SKAP1: variants seen among roughly 807,000 people sequenced by gnomAD.
The protein encoded by SKAP1 is src kinase associated phosphoprotein 1, also known as src kinase-associated phosphoprotein 1.
A neutral mutation model predicts 58.5 loss-of-function variants in SKAP1; 44 were observed. The ratio of observed to expected loss-of-function variants is 0.75; its 90% CI spans 0.59 to 0.97. The LOEUF (loss-of-function observed/expected upper bound fraction) is 0.97, where lower values mean the gene tolerates loss of function less well. Ranked by LOEUF, SKAP1 falls within the 50% of genes least tolerant of loss-of-function variation. The pLI is 0.00. For synonymous variants in SKAP1, 127 were observed against 149.7 expected (o/e 0.85, Z 1.11); for missense variants, 390 against 435.2 (o/e 0.90, Z 0.92).
the SKAP1 span, among the ~76,000 whole-genome samples, chr17:48,443,782 G>A: frequency 0.31 from 47,472 of 151,786 alleles, 7,446 homozygotes; most frequent in East Asian, 0.36. Context: ...GGCCTGTTGG[G>A]TTTTTTAAAA....
rs535780020 is a variant in SKAP1, at chr17:48,246,693, C to T, written c.281-57193G>A. On this transcript the variant is annotated intron_variant, in intron 4 of 12. Coordinates refer to ENST00000336915, the MANE Select transcript of SKAP1 (RefSeq NM_003726.4). The stretch of plus-strand genomic sequence containing the variant: ...CCACATTTCAGGTCTCCTAACAGTG[C>T]AGAGATCTCTGAGAGTTAATCACCC... Among the ~76,000 whole-genome samples the T allele has an allele frequency of 2.7e-4, 41 of 152,246 alleles. No homozygotes were observed. The East Asian group carries it at 4.2e-3, about 16-fold the overall frequency.
At chr17:48,266,209 G>A (rs1383125802) in intron 4 of SKAP1, among the ~76,000 whole-genome samples, 5 of 152,008 alleles carry the variant, frequency 3.3e-5, no homozygotes, top group Admixed American at 6.5e-5. Flanking sequence ...AAAAATAATA[G>A]ATTTTATAAG....
At position 48,171,096 on chromosome 17, in the gene SKAP1, T is replaced by TTTG. The variant is rs543558261; in HGVS notation, c.827-438_827-437insCAA. Among the ~76,000 whole-genome samples the TTTG allele has an allele frequency of 4.2e-4, 56 of 133,080 alleles. 1 individual carries two copies. In the South Asian group the frequency reaches 7.5e-3, roughly 18 times the overall value. 87.3% of individuals were successfully genotyped at this position (133,080 alleles called of 152,430 possible). On this transcript the variant is annotated intron_variant, in intron 9 of 12. Transcript: ENST00000336915. ...TAAGGAAAGTTTAATTACTGTTGTTTTTTTTTTTTTTTTTTTTTTTTTAGG... is the reference window on the plus strand; with the variant it reads ...TAAGGAAAGTTTAATTACTGTTGTTTTTGTTTTTTTTTTTTTTTTTTTTTTAGG...
chr17:48,197,956 A>T (rs2064662846), intron 4 of SKAP1, among the ~76,000 whole-genome samples: 2 of 152,126 alleles, frequency 1.3e-5, no homozygotes, highest in African/African-American at 4.8e-5. Context: ...GTCAGGAAAA[A>T]GCCCTTCTAA....
chr17:48,177,455 C>A (rs2064306128), intron 9 of SKAP1, among the ~76,000 whole-genome samples: 4 of 152,126 alleles, frequency 2.6e-5, no homozygotes, highest in Admixed American at 2.6e-4. Flanking sequence ...GCAGGTAATA[C>A]AATCAGACAG....
chr17:48,256,314 G>T (rs2065423416), intron 4 of SKAP1, among the ~76,000 whole-genome samples: 1 of 152,016 alleles, frequency 6.6e-6, no homozygotes, highest in Non-Finnish European at 1.5e-5. Context: ...CATACAGACT[G>T]AATGATGAAA....
chr17:48,261,003 T>C (rs950677872), intron 4 of SKAP1, among the ~76,000 whole-genome samples: 1 of 152,208 alleles, frequency 6.6e-6, no homozygotes, highest in African/African-American at 2.4e-5. Context: ...GAATCCCTGA[T>C]GTGAATTTAA....
At chr17:48,436,324 G>A in the SKAP1 span, among the ~76,000 whole-genome samples, 13 of 152,148 alleles carry the variant, frequency 8.5e-5, no homozygotes, top group East Asian at 2.1e-3. Flanking sequence ...TGTCCACCTC[G>A]GCCTCCCAAA....
chr17:48,389,566 G>A (rs1299316033), intron 2 of SKAP1, among the ~76,000 whole-genome samples: 1 of 152,130 alleles, frequency 6.6e-6, no homozygotes, highest in Admixed American at 6.5e-5. Context: ...TAAATGCTTG[G>A]GGGCTAAATA....
chr17:48,194,294 C>T (rs1225997871), intron 4 of SKAP1, among the ~76,000 whole-genome samples: 1 of 152,112 alleles, frequency 6.6e-6, no homozygotes, highest in Non-Finnish European at 1.5e-5. Context: ...TTCCTTTAAA[C>T]CCTTGTATCC....
chr17:48,177,050 A>G (rs1280161078), intron 9 of SKAP1, among the ~76,000 whole-genome samples: 3 of 152,190 alleles, frequency 2.0e-5, no homozygotes, highest in Non-Finnish European at 2.9e-5. Flanking sequence ...TTGACTCTTG[A>G]TGGGTATGCA....
intron 3 of SKAP1, among the ~76,000 whole-genome samples, chr17:48,353,007 T>C (rs2066821726): frequency 6.6e-6 from 1 of 152,230 alleles, no homozygotes; most frequent in South Asian, 2.1e-4. Context: ...AGTAAATCTA[T>C]AAATTATGAT....
chr17:48,237,799 T>C (rs1053311448), intron 4 of SKAP1, among the ~76,000 whole-genome samples: 7 of 152,076 alleles, frequency 4.6e-5, no homozygotes, highest in African/African-American at 1.7e-4. Context: ...AGAGATAGAA[T>C]CTAGGACCAT....
At chr17:48,378,802 T>C (rs2067180824) in intron 2 of SKAP1, among the ~76,000 whole-genome samples, 1 of 152,146 alleles carries the variant, frequency 6.6e-6, no homozygotes, top group African/African-American at 2.4e-5. Flanking sequence ...GGCATAGAGC[T>C]TGTGCTCAAT....
At chr17:48,389,241 C>T (rs942176107) in intron 2 of SKAP1, among the ~76,000 whole-genome samples, 4 of 152,178 alleles carry the variant, frequency 2.6e-5, no homozygotes, top group Non-Finnish European at 4.4e-5. Context: ...TATTAATTGT[C>T]TGACTACAGT....
intron 4 of SKAP1, among the ~76,000 whole-genome samples, chr17:48,263,221 A>C (rs2065503056): frequency 6.6e-6 from 1 of 152,152 alleles, no homozygotes; most frequent in Admixed American, 6.5e-5. Flanking sequence ...AATAGGGTAC[A>C]AGAAATACTG....
rs144517589 is a variant in SKAP1, at chr17:48,246,345, T to C, written c.281-56845A>G. 9.1e-4 allele frequency among the ~76,000 whole-genome samples: 139 copies of C among 152,320 alleles called. 1 individual carries two copies. The Middle Eastern group carries it at 0.031, about 34-fold the overall frequency. ...CTTGTTAGACCGGACTATTTGGTGT[T>C]TCCTGAACACATTCTACATTTCCCC... On this transcript the variant is annotated intron_variant, in intron 4 of 12. Coordinates refer to ENST00000336915, the MANE Select transcript of SKAP1 (RefSeq NM_003726.4).
At chr17:48,288,596 GGCTCGCTTGAAC>G (rs1452749735) in intron 4 of SKAP1, among the ~76,000 whole-genome samples, 1 of 152,200 alleles carries the variant, frequency 6.6e-6, no homozygotes, top group African/African-American at 2.4e-5. Context: ...TGAGGCAGAA[GGCTCGCTTGAAC>G]CCAGGAGATG....
rs139826514 is a variant in SKAP1, at chr17:48,394,667, T to G, written c.152+2013A>C. Among the ~76,000 whole-genome samples the G allele has an allele frequency of 1.1e-4, 16 of 152,282 alleles. 1 individual carries two copies. The highest frequency in any genetic ancestry group is 3.9e-4 in the African/African-American group (16 of 41,548). On this transcript the variant is annotated intron_variant, in intron 2 of 12. Transcript: ENST00000336915. ...GCCATACATGTTTAACTCTCAAGTT[T>G]GATGACTTCTAAATTTCTTTTTATG...
Sources: gnomAD v4.1 joint callset for allele counts (sites outside exome capture counted in the v4.1 genomes callset) on GRCh38, gnomAD v4.1.1 for gene constraint, MANE v1.5 for transcripts, NCBI Gene and HGNC (gene_info 2026-07-23, HGNC 2026-07-21) for gene names.